Variants in BEND6 observed in about 807,000 individuals in gnomAD.
BEND6 encodes the protein BEN domain containing 6.
In BEND6, 24 loss-of-function variants were observed where a neutral mutation model predicts 31.8. That is an observed-to-expected ratio of 0.75 (90% CI 0.55 to 1.06). BEND6 has a LOEUF of 1.06. Ranked by LOEUF, BEND6 falls within the 50% of genes least tolerant of loss-of-function variation. The pLI is 0.00. For synonymous variants in BEND6, 109 were observed against 114.6 expected (o/e 0.95, Z 0.31); for missense variants, 294 against 327.4 (o/e 0.90, Z 0.79).
chr6:56,992,744 T>G (rs763701107), intron 3 of BEND6, among the ~76,000 whole-genome samples, 189 bp downstream of exon 3: 14 of 152,226 alleles, frequency 9.2e-5, no homozygotes, highest in Non-Finnish European at 1.9e-4. Context: ...GGATCTAGCT[T>G]ATGGCTTGAA....
chr6:57,004,895 C>T, intron 3 of BEND6: 2 of 589,750 alleles, frequency 3.4e-6, no homozygotes, highest in South Asian at 3.8e-5. Flanking sequence ...TGCCAGTAGT[C>T]CCAGCTACTC....
intron 3 of BEND6, among the ~76,000 whole-genome samples, chr6:56,994,442 A>G (rs1826625614): frequency 8.3e-6 from 1 of 119,766 alleles, no homozygotes; most frequent in African/African-American, 3.2e-5. Context: ...TGGGCGACAG[A>G]GCGAGACTCC....
In BEND6 at chr6:57,016,836, T is replaced by C. The variant is rs139334641; in HGVS notation, c.520-371T>C. Among the ~76,000 whole-genome samples the C allele has an allele frequency of 4.0e-3, 615 of 152,324 alleles. 36 individuals carry two copies. The East Asian group carries it at 0.091, about 23-fold the overall frequency. On this transcript the variant is annotated intron_variant, in intron 4 of 6. Coordinates refer to ENST00000370746, the MANE Select transcript of BEND6 (RefSeq NM_152731.3). ...TTTTGCCCTGTGAGGCAACGTGTTA[T>C]AGGTTTCAGGGATTAGGATGTGACC...
rs372638725 is a variant in BEND6 at position 56,981,828 on chromosome 6, G to A, written c.18G>A (p.Gln6=). The A allele has an allele frequency of 4.3e-6, 7 of 1,612,316 alleles. No homozygotes were observed. The African/African-American group carries it at 8.0e-5, about 18-fold the overall frequency. MQKIV[Q]TDEITNTQAF... is the part of the protein sequence containing the mutation. ...TTGAGAAAATGCAGAAGATCGTGCA[G>A]ACAGATGAAATTACCAATACACAAG... The change falls in exon 2 of 7, where the codon CAG becomes CAA. Residue 6 remains glutamine (Q), a synonymous_variant. Transcript: ENST00000370746.
chr6:56,958,617 A>G (rs536604139), intron 1 of BEND6, among the ~76,000 whole-genome samples: 2 of 152,344 alleles, frequency 1.3e-5, no homozygotes, highest in South Asian at 4.1e-4. Context: ...GGGAGTCATC[A>G]ACATTGTAGT....
intron 1 of BEND6, among the ~76,000 whole-genome samples, chr6:56,964,954 C>T (rs1358419393): frequency 1.3e-5 from 2 of 152,238 alleles, no homozygotes; most frequent in Non-Finnish European, 2.9e-5. Flanking sequence ...TTGATCAACA[C>T]TTGCATTCTC....
chr6:56,966,959 G>A (rs1825504087), intron 1 of BEND6, among the ~76,000 whole-genome samples: 2 of 152,180 alleles, frequency 1.3e-5, no homozygotes, highest in African/African-American at 4.8e-5. Flanking sequence ...ATCAGTGGTA[G>A]GATGGATCAT....
At position 57,018,574 on chromosome 6, in the gene BEND6, T is replaced by C. The variant is rs1562560016; in HGVS notation, c.*9+17T>C. On this transcript the variant is annotated intron_variant, in intron 6 of 6. Coordinates refer to ENST00000370746, the MANE Select transcript of BEND6 (RefSeq NM_152731.3). ...ATCCTTTTGGTAAGTCTTTTAAATC[T>C]TCAGTCCTTTCAATGTGGCAAGAAA... is the stretch of plus-strand genomic sequence containing the variant. 16 of 1,479,352 alleles carry C rather than the reference T, an allele frequency of 1.1e-5. 1 individual carries two copies. Among genetic ancestry groups the C allele is most frequent in the Non-Finnish European group, 1.4e-5 (16 of 1,116,142 alleles). 91.6% of individuals were successfully genotyped at this position (1,479,352 alleles called of 1,614,324 possible). A position where few individuals can be genotyped will look rare whatever the true frequency, so the allele number is the denominator to read the frequency against.
At chr6:56,990,276 G>C (rs769318703) in intron 2 of BEND6, among the ~76,000 whole-genome samples, 1 of 133,348 alleles carries the variant, frequency 7.5e-6, no homozygotes, top group African/African-American at 2.7e-5. Context: ...TTTTGGACAG[G>C]GTCTCGCTCT....
chr6:57,015,051 A>C, intron 3 of BEND6, 82 bp from the exon 4 acceptor site: 1 of 1,135,596 alleles, frequency 8.8e-7, no homozygotes, highest in East Asian at 2.5e-5. Context: ...ATTTCTATGC[A>C]CATACACTCA....
chr6:56,987,460 G>T (rs982041918), intron 2 of BEND6, among the ~76,000 whole-genome samples: 2 of 152,154 alleles, frequency 1.3e-5, no homozygotes. Flanking sequence ...ACACCATGTT[G>T]CCCTGATGCT....
At chr6:57,025,501 G>C (rs1322610507) in intron 6 of BEND6, among the ~76,000 whole-genome samples, 1 of 152,198 alleles carries the variant, frequency 6.6e-6, no homozygotes, top group Non-Finnish European at 1.5e-5. Flanking sequence ...GACCTGAATG[G>C]GGGATGTCCC....
chr6:56,982,871 A>G (rs1826120044), intron 2 of BEND6, among the ~76,000 whole-genome samples: 1 of 152,178 alleles, frequency 6.6e-6, no homozygotes, highest in South Asian at 2.1e-4. Context: ...CACAAAACTA[A>G]CCATATATAT....
chr6:56,978,669 A>G (rs1308623213), intron 1 of BEND6, among the ~76,000 whole-genome samples: 1 of 152,206 alleles, frequency 6.6e-6, no homozygotes, highest in Admixed American at 6.5e-5. Flanking sequence ...TGGAACTTCA[A>G]ATAGAAGTTG....
intron 2 of BEND6, among the ~76,000 whole-genome samples, chr6:56,988,985 C>A (rs947213577): frequency 5.3e-5 from 8 of 151,954 alleles, no homozygotes; most frequent in Non-Finnish European, 1.0e-4. Flanking sequence ...GAGCCGAGAT[C>A]GTGCCACTGC....
chr6:57,012,719 G>T (rs9396252), intron 3 of BEND6, among the ~76,000 whole-genome samples: 1 of 149,030 alleles, frequency 6.7e-6, no homozygotes, highest in Non-Finnish European at 1.5e-5. Context: ...TTATGTAAAA[G>T]AAAATACATT....
At chr6:56,989,470 G>A (rs189997683) in intron 2 of BEND6, among the ~76,000 whole-genome samples, 4 of 152,240 alleles carry the variant, frequency 2.6e-5, no homozygotes, top group Admixed American at 2.6e-4. Context: ...CTTATGTATA[G>A]ACCTAGAAAT....
At chr6:56,966,243 A>G (rs980341815) in intron 1 of BEND6, among the ~76,000 whole-genome samples, 1 of 152,168 alleles carries the variant, frequency 6.6e-6, no homozygotes, top group Admixed American at 6.5e-5. Context: ...CTGGGGTTAC[A>G]GGCACTTGCC....
At chr6:56,973,963 G>A (rs908831938) in intron 1 of BEND6, among the ~76,000 whole-genome samples, 6 of 152,090 alleles carry the variant, frequency 3.9e-5, no homozygotes, top group African/African-American at 1.4e-4. Context: ...ATGTTGTCCA[G>A]ACTGATCTTG....
Sources: allele counts gnomAD v4.1 joint callset (sites outside exome capture counted in the v4.1 genomes callset), GRCh38; gene constraint gnomAD v4.1.1; transcripts MANE v1.5; gene names NCBI Gene and HGNC (gene_info 2026-07-23, HGNC 2026-07-21).